The following ZNF469 variants were observed in gnomAD, a reference collection of about 807,000 sequenced individuals.
The protein encoded by ZNF469 is zinc finger protein 469.
A neutral mutation model predicts 1.0 loss-of-function variants in ZNF469; 1 was observed. The observed-to-expected ratio is 1.00, with a 90% confidence interval of 0.35 to 4.73. ZNF469 has a LOEUF of 4.73. Among genes scored for constraint, ZNF469 ranks in the 30% most tolerant of loss-of-function variants. The pLI is 0.16. For missense variants in ZNF469, 6,100 were observed against 5,356.3 expected (o/e 1.14, Z -4.33); for synonymous variants, 2,703 against 2,363.4 (o/e 1.14, Z -4.17).
the ZNF469 span, among the ~76,000 whole-genome samples, chr16:88,307,832 GT>G: frequency 1.3e-5 from 2 of 152,182 alleles, no homozygotes; most frequent in South Asian, 2.1e-4. Flanking sequence ...CAGCACAAAA[GT>G]TTTAATTTTG....
At chr16:88,204,293 T>C in the ZNF469 span, among the ~76,000 whole-genome samples, 1 of 150,194 alleles carries the variant, frequency 6.7e-6, no homozygotes, top group Non-Finnish European at 1.5e-5. Context: ...CCCCGTAACC[T>C]CATAGAGCAG....
chr16:88,364,442 G>T, the ZNF469 span, among the ~76,000 whole-genome samples: 1 of 124,516 alleles, frequency 8.0e-6, no homozygotes, highest in Non-Finnish European at 1.6e-5. Flanking sequence ...ATTGTTCCTT[G>T]CTTTTCCACA....
the ZNF469 span, among the ~76,000 whole-genome samples, chr16:88,161,328 C>T: frequency 2.0e-5 from 3 of 152,128 alleles, no homozygotes; most frequent in Non-Finnish European, 4.4e-5. Flanking sequence ...CCCTAAACGG[C>T]GACGATCTAT....
chr16:88,115,853 A>C, the ZNF469 span, among the ~76,000 whole-genome samples: 1 of 152,214 alleles, frequency 6.6e-6, no homozygotes, highest in Non-Finnish European at 1.5e-5. Context: ...CACTCCAGGT[A>C]TTCCTGGGCT....
chr16:88,203,073 AAAG>A, the ZNF469 span, among the ~76,000 whole-genome samples: 4 of 151,852 alleles, frequency 2.6e-5, no homozygotes, highest in South Asian at 6.2e-4. Flanking sequence ...GTCAGGCTGA[AAAG>A]AAGAAGCTCA....
Position 88,436,082 on chromosome 16 carries a change from G to T in ZNF469, c.8612G>T (p.Arg2871Ile). The part of the protein sequence containing the change: ...QLFPPGGRLT[R>I]KRNPHVYGKR... ...TTCCCTCCAGGCGGTCGCTTGACTA[G>T]AAAGAGGAACCCGCATGTCTACGGG... The change falls in exon 3 of 3, where the codon AGA becomes ATA. Residue 2871 changes from arginine (R) to isoleucine (I), a missense_variant. Transcript: ENST00000565624. 6.5e-7 allele frequency: 1 copy of T among 1,549,876 alleles called. No homozygotes were observed.
the ZNF469 span, among the ~76,000 whole-genome samples, chr16:88,283,582 A>G: frequency 6.6e-6 from 1 of 152,236 alleles, no homozygotes; most frequent in Non-Finnish European, 1.5e-5. Flanking sequence ...ATGCTGGGAA[A>G]AAATTCTAGG....
chr16:88,373,082 C>T, the ZNF469 span, among the ~76,000 whole-genome samples: 6 of 152,370 alleles, frequency 3.9e-5, no homozygotes, highest in Admixed American at 3.9e-4. Context: ...GTACCAGGCA[C>T]TCTTTTAAGT....
chr16:88,432,963 C>T lies in ZNF469; in HGVS notation c.5493C>T (p.Ala1831=), dbSNP rs1906304340. Residue 1831 remains alanine, a synonymous_variant, in exon 3 of 3, where the codon GCC becomes GCT. Transcript: ENST00000565624. ...TTGGTGCCAGTCCCAGCCATGCTGC[C>T]CAGGGACATTCTGCAGGCAGAGCAG... ...WPFGASPSHA[A]QGHSAGRAGG... The T allele has an allele frequency of 1.3e-6, 2 of 1,550,288 alleles. No homozygotes were observed. The highest frequency in any genetic ancestry group is 2.4e-5 in the South Asian group (2 of 84,072).
chr16:88,114,016 T>C, the ZNF469 span, among the ~76,000 whole-genome samples: 1 of 152,152 alleles, frequency 6.6e-6, no homozygotes, highest in Non-Finnish European at 1.5e-5. Context: ...GCGAGCACCA[T>C]GGGTGGCTAA....
In ZNF469 at chr16:88,437,404, T is replaced by A. The variant is rs1239057704; in HGVS notation, c.9934T>A (p.Ser3312Thr). ...CCCCCCCAGGACGACCCCCAGCCCG[T>A]CCCCCGACCCCTGGGCCGGCGGGGA... The part of the protein sequence containing the change: ...PGPPRTTPSP[S>T]PDPWAGGEPL... Residue 3312 changes from serine (S) to threonine (T), a missense_variant, in exon 3 of 3, where the codon TCC (serine) becomes ACC (threonine). Coordinates refer to ENST00000565624, the MANE Select transcript of ZNF469 (RefSeq NM_001367624.2). 5.2e-6 allele frequency: 8 copies of A among 1,524,500 alleles called. No homozygotes were observed. The highest frequency in any genetic ancestry group is 4.4e-6 in the Non-Finnish European group (5 of 1,134,156). The allele number at this position is 1,524,500 out of a possible 1,614,324, so 94.4% of individuals were successfully genotyped here.
the ZNF469 span, among the ~76,000 whole-genome samples, chr16:88,140,497 C>G: frequency 2.9e-5 from 4 of 139,954 alleles, no homozygotes; most frequent in African/African-American, 1.3e-4. Flanking sequence ...CACTGATTTA[C>G]AAATGAGCAG....
the ZNF469 span, among the ~76,000 whole-genome samples, chr16:88,324,745 A>G: frequency 5.3e-5 from 8 of 152,250 alleles, no homozygotes; most frequent in East Asian, 1.5e-3. Context: ...CACCTTCCAG[A>G]TGTTGCCATT....
At chr16:88,188,153 G>GT in the ZNF469 span, among the ~76,000 whole-genome samples, 1 of 152,002 alleles carries the variant, frequency 6.6e-6, no homozygotes, top group Non-Finnish European at 1.5e-5. Context: ...CCTGCCTGGG[G>GT]TGCCCTTCCT....
chr16:88,289,669 G>A, the ZNF469 span, among the ~76,000 whole-genome samples: 6 of 152,160 alleles, frequency 3.9e-5, no homozygotes, highest in African/African-American at 1.2e-4. Context: ...AGCTGGGATC[G>A]TTCCCAAGGT....
At chr16:88,288,445 T>A in the ZNF469 span, among the ~76,000 whole-genome samples, 1,087 of 152,340 alleles carry the variant, frequency 7.1e-3, 9 homozygotes, top group African/African-American at 0.025. Context: ...CATTGTCTCC[T>A]ACCCATCCAC....
At position 88,431,306 on chromosome 16, in the gene ZNF469, A is replaced by G; in HGVS notation, c.3836A>G (p.Lys1279Arg). 3 of 1,549,998 alleles carry G rather than the reference A, an allele frequency of 1.9e-6. No individual in the cohort carries two copies. Among genetic ancestry groups the G allele is most frequent in the Non-Finnish European group, 1.7e-6 (2 of 1,146,794 alleles). ...PPSRHDTGTPKPSGSLANTAP... is the reference protein window; with the variant it reads ...PPSRHDTGTPRPSGSLANTAP... ...AGCAGACATGACACCGGCACCCCCA[A>G]GCCGTCGGGAAGCCTCGCCAACACG... Residue 1279 changes from lysine (K) to arginine (R), a missense_variant, in exon 3 of 3, where the codon AAG becomes AGG. By Grantham distance (26) the Lys-to-Arg change is conservative. Coordinates refer to ENST00000565624, the MANE Select transcript of ZNF469 (RefSeq NM_001367624.2).
chr16:88,328,755 C>T, the ZNF469 span, among the ~76,000 whole-genome samples: 13 of 152,196 alleles, frequency 8.5e-5, no homozygotes, highest in Admixed American at 8.5e-4. Flanking sequence ...GTGTGAGCAA[C>T]AGAGGCGCCC....
the ZNF469 span, among the ~76,000 whole-genome samples, chr16:88,332,127 C>G: frequency 6.6e-6 from 1 of 152,234 alleles, no homozygotes; most frequent in Non-Finnish European, 1.5e-5. Flanking sequence ...TCTCCACCCC[C>G]TCCTTGGTGT....
Sources: gnomAD v4.1 joint callset for allele counts (sites outside exome capture counted in the v4.1 genomes callset) on GRCh38, gnomAD v4.1.1 for gene constraint, MANE v1.5 for transcripts, NCBI Gene and HGNC (gene_info 2026-07-23, HGNC 2026-07-21) for gene names.